ULK4: variants seen among roughly 807,000 people sequenced by gnomAD.
ULK4 encodes unc-51 like kinase 4, also known as inactive serine/threonine-protein kinase ULK4.
Under a neutral mutation model 160.6 loss-of-function variants are expected in ULK4, and 133 were observed. That is an observed-to-expected ratio of 0.83 (90% CI 0.72 to 0.96). ULK4 has a LOEUF of 0.96. Among genes scored for constraint, ULK4 ranks in the 40% least tolerant of loss-of-function variants. The pLI, the probability that ULK4 is intolerant of heterozygous loss-of-function variation, is 0.00. For synonymous variants in ULK4, 534 were observed against 539.8 expected (o/e 0.99, Z 0.15); for missense variants, 1,580 against 1,499.5 (o/e 1.05, Z -0.89).
At chr3:41,957,626 C>G (rs1700528107) in intron 1 of ULK4, among the ~76,000 whole-genome samples, 1 of 151,516 alleles carries the variant, frequency 6.6e-6, no homozygotes, top group Non-Finnish European at 1.5e-5. Flanking sequence ...GACAAAAGAA[C>G]TGCTTGAGCC....
rs572315992 is a variant in ULK4 at position 41,696,230 on chromosome 3, T to C, written c.2781+8827A>G. Among the ~76,000 whole-genome samples, 3 of 152,352 alleles carry C rather than the reference T, an allele frequency of 2.0e-5. No homozygotes were observed. The South Asian group carries it at 6.2e-4, about 32-fold the overall frequency. ...TAACCATCTCCCTGTGGTGCTATGC[T>C]TCAGTGGTCACGCTCCTAGTCCACC... On this transcript the variant is annotated intron_variant, in intron 27 of 36. Transcript: ENST00000301831.
At chr3:41,757,415 G>A (rs953961531) in intron 21 of ULK4, among the ~76,000 whole-genome samples, 1 of 151,946 alleles carries the variant, frequency 6.6e-6, no homozygotes, top group Non-Finnish European at 1.5e-5. Context: ...GGCAGAACAC[G>A]TGGTCAGGAG....
intron 35 of ULK4, among the ~76,000 whole-genome samples, chr3:41,298,320 T>TAAAC (rs1483054140): frequency 1.3e-5 from 2 of 152,214 alleles, no homozygotes; most frequent in Non-Finnish European, 2.9e-5. Flanking sequence ...ACATTAGCTT[T>TAAAC]TCCTAAGAGT....
At chr3:41,573,000 G>C (rs2088056494) in intron 31 of ULK4, among the ~76,000 whole-genome samples, 1 of 152,094 alleles carries the variant, frequency 6.6e-6, no homozygotes, top group South Asian at 2.1e-4. Flanking sequence ...TACACTTTAA[G>C]ATTATGACGA....
intron 32 of ULK4, among the ~76,000 whole-genome samples, chr3:41,487,094 T>A (rs1473535): frequency 0.41 from 62,241 of 152,000 alleles, 12,922 homozygotes; most frequent in African/African-American, 0.43. Flanking sequence ...AACATAATTT[T>A]AAAATCTCTT....
chr3:41,598,406 C>T (rs570531851), intron 31 of ULK4, among the ~76,000 whole-genome samples: 2 of 152,094 alleles, frequency 1.3e-5, no homozygotes, highest in African/African-American at 4.8e-5. Flanking sequence ...GGAGACCAGA[C>T]AGATAGAGAA....
intron 17 of ULK4, among the ~76,000 whole-genome samples, chr3:41,881,644 T>C (rs905061498): frequency 1.3e-5 from 2 of 152,312 alleles, no homozygotes; most frequent in Admixed American, 6.5e-5. Context: ...TAGTTCACAA[T>C]ACAGTGTAAT....
chr3:41,368,216 TTTC>T (rs543887088), intron 35 of ULK4, among the ~76,000 whole-genome samples: 73 of 151,888 alleles, frequency 4.8e-4, no homozygotes, highest in African/African-American at 1.7e-3. Flanking sequence ...CCCGGCTAAT[TTTC>T]TTGTTTTTTT....
chr3:41,623,863 G>A (rs1219199464), intron 30 of ULK4, among the ~76,000 whole-genome samples: 8 of 151,980 alleles, frequency 5.3e-5, no homozygotes, highest in Non-Finnish European at 1.5e-5. Flanking sequence ...GTGAAGTGAT[G>A]GACATGTTAA....
At chr3:41,714,769 T>C (rs2037207185) in intron 25 of ULK4, among the ~76,000 whole-genome samples, 1 of 150,418 alleles carries the variant, frequency 6.6e-6, no homozygotes, top group Non-Finnish European at 1.5e-5. Flanking sequence ...GGAGAATCGC[T>C]TGAACCCAGG....
chr3:41,807,555 A>G (rs1169846151), intron 19 of ULK4, among the ~76,000 whole-genome samples: 2 of 152,210 alleles, frequency 1.3e-5, no homozygotes, highest in Admixed American at 6.5e-5. Context: ...TTCATTATCT[A>G]CAAAATGAAG....
At chr3:41,772,610 G>T (rs959832538) in intron 21 of ULK4, among the ~76,000 whole-genome samples, 1 of 152,192 alleles carries the variant, frequency 6.6e-6, no homozygotes, top group Admixed American at 6.5e-5. Flanking sequence ...TCCAGGACCA[G>T]ATGGATTCAC....
intron 34 of ULK4, among the ~76,000 whole-genome samples, chr3:41,411,963 G>A (rs1365623137): frequency 6.6e-6 from 1 of 152,130 alleles, no homozygotes; most frequent in Non-Finnish European, 1.5e-5. Flanking sequence ...CCCCCTACCT[G>A]AAGCTCCACC....
intron 2 of ULK4, 149 bp downstream of exon 2, chr3:41,954,473 G>A (rs1461898705): frequency 4.0e-6 from 3 of 751,350 alleles, no homozygotes; most frequent in Non-Finnish European, 6.3e-6. Flanking sequence ...ATTCAGGACT[G>A]GTGGCACTGA....
At chr3:41,568,816 T>G (rs1178469814) in intron 31 of ULK4, among the ~76,000 whole-genome samples, 1 of 152,130 alleles carries the variant, frequency 6.6e-6, no homozygotes, top group Non-Finnish European at 1.5e-5. Context: ...GGAAACAGTA[T>G]CAGACCCCAT....
intron 20 of ULK4, among the ~76,000 whole-genome samples, chr3:41,798,797 G>T (rs2040373703): frequency 6.6e-6 from 1 of 152,120 alleles, no homozygotes; most frequent in Admixed American, 6.6e-5. Context: ...TGACTAGCAG[G>T]ATCTAGTAGA....
chr3:41,711,640 T>C (rs560869721), intron 25 of ULK4, among the ~76,000 whole-genome samples: 1 of 152,340 alleles, frequency 6.6e-6, no homozygotes, highest in Admixed American at 6.5e-5. Context: ...CCTTTCATAG[T>C]TATTTTTTGT....
At chr3:41,893,960 A>T (rs1698063077) in intron 16 of ULK4, among the ~76,000 whole-genome samples, 1 of 152,184 alleles carries the variant, frequency 6.6e-6, no homozygotes, top group Non-Finnish European at 1.5e-5. Flanking sequence ...TTGAATGGAG[A>T]AAGAATAAAA....
intron 17 of ULK4, among the ~76,000 whole-genome samples, chr3:41,848,143 G>T (rs1022534554): frequency 6.6e-6 from 1 of 152,126 alleles, no homozygotes; most frequent in East Asian, 1.9e-4. Context: ...GGAGAAGCAA[G>T]GACTGCTATC....
Sources: gnomAD v4.1 joint callset for allele counts (sites outside exome capture counted in the v4.1 genomes callset) on GRCh38, gnomAD v4.1.1 for gene constraint, MANE v1.5 for transcripts, NCBI Gene and HGNC (gene_info 2026-07-23, HGNC 2026-07-21) for gene names.